Variants in DRC11 observed in about 807,000 individuals in gnomAD.
DRC11 encodes the protein dynein regulatory complex subunit 11, also known as IQ and AAA domain-containing protein 1.
the DRC11 span, among the ~76,000 whole-genome samples, chr2:236,459,535 G>GAGAGAAAAGGAC: frequency 9.4e-6 from 1 of 106,286 alleles, no homozygotes; most frequent in African/African-American, 3.7e-5. Context: ...ACATGTATAC[G>GAGAGAAAAGGAC]TATACGTATA....
At chr2:236,462,502 T>C in the DRC11 span, among the ~76,000 whole-genome samples, 2 of 152,068 alleles carry the variant, frequency 1.3e-5, no homozygotes, top group Admixed American at 1.3e-4. The surrounding 1 kb of genome is among the most constrained non-coding windows in gnomAD (Gnocchi z 6.4). Flanking sequence ...TGAAACCCTG[T>C]CTCTACTAAA....
At chr2:236,372,124 A>G in the DRC11 span, among the ~76,000 whole-genome samples, 1 of 152,164 alleles carries the variant, frequency 6.6e-6, no homozygotes, top group Non-Finnish European at 1.5e-5. The surrounding 1 kb of genome is among the most constrained non-coding windows in gnomAD (Gnocchi z 4.5). Context: ...TTACCCCAAG[A>G]TAACTTTGCC....
the DRC11 span, among the ~76,000 whole-genome samples, chr2:236,437,910 G>T: frequency 1.4e-5 from 2 of 142,468 alleles, no homozygotes; most frequent in African/African-American, 5.2e-5. Flanking sequence ...CACTCTGGTG[G>T]TAGTTTCTTT....
chr2:236,393,161 G>A, the DRC11 span, among the ~76,000 whole-genome samples: 4 of 152,162 alleles, frequency 2.6e-5, no homozygotes, highest in Non-Finnish European at 5.9e-5. This position sits in a 1 kb window ranked among gnomAD's most constrained non-coding sequence, Gnocchi z 4.7. Context: ...AATCTATGTC[G>A]AGAATGTAAA....
the DRC11 span, among the ~76,000 whole-genome samples, chr2:236,494,065 CAA>C: frequency 6.6e-6 from 1 of 152,074 alleles, no homozygotes; most frequent in African/African-American, 2.4e-5. This position sits in a 1 kb window ranked among gnomAD's most constrained non-coding sequence, Gnocchi z 4.2. Context: ...TAAAGAGACA[CAA>C]AGTCAGAAAG....
chr2:236,434,202 T>A, the DRC11 span, among the ~76,000 whole-genome samples: 2 of 152,348 alleles, frequency 1.3e-5, no homozygotes, highest in Admixed American at 1.3e-4. This position sits in a 1 kb window ranked among gnomAD's most constrained non-coding sequence, Gnocchi z 5.5. Flanking sequence ...GGGAGACTGA[T>A]CTGTGTCTTT....
chr2:236,399,294 A>C, the DRC11 span: 1 of 880,714 alleles, frequency 1.1e-6, no homozygotes, highest in East Asian at 2.4e-5. This position sits in a 1 kb window ranked among gnomAD's most constrained non-coding sequence, Gnocchi z 7.0. Context: ...CTGGCCAGGA[A>C]ATTTAAAATA....
At chr2:236,370,724 T>C in the DRC11 span, among the ~76,000 whole-genome samples, 6 of 149,410 alleles carry the variant, frequency 4.0e-5, no homozygotes, top group South Asian at 1.3e-3. The surrounding 1 kb of genome is among the most constrained non-coding windows in gnomAD (Gnocchi z 5.5). Flanking sequence ...CACCTGAGAT[T>C]GTGGCAGGTG....
At chr2:236,393,045 A>C in the DRC11 span, among the ~76,000 whole-genome samples, 1 of 152,176 alleles carries the variant, frequency 6.6e-6, no homozygotes, top group Non-Finnish European at 1.5e-5. This position sits in a 1 kb window ranked among gnomAD's most constrained non-coding sequence, Gnocchi z 4.7. Flanking sequence ...GGAGGTTCCA[A>C]ATGTATGCTG....
the DRC11 span, chr2:236,493,642 A>G: frequency 8.2e-6 from 6 of 735,374 alleles, no homozygotes; most frequent in East Asian, 1.7e-4. Flanking sequence ...TGTACTGTAT[A>G]ACGAGGGAGG....
chr2:236,504,730 TG>T, the DRC11 span, among the ~76,000 whole-genome samples: 31 of 152,320 alleles, frequency 2.0e-4, no homozygotes, highest in East Asian at 5.2e-3. This position sits in a 1 kb window ranked among gnomAD's most constrained non-coding sequence, Gnocchi z 5.0. Flanking sequence ...AACTGAATCA[TG>T]GGGACAGTTA....
At chr2:236,424,968 C>A in the DRC11 span, among the ~76,000 whole-genome samples, 1 of 152,068 alleles carries the variant, frequency 6.6e-6, no homozygotes, top group African/African-American at 2.4e-5. Context: ...TGGGTTCATG[C>A]ATGTTGTCAC....
the DRC11 span, among the ~76,000 whole-genome samples, chr2:236,406,905 C>T: frequency 3.3e-5 from 5 of 152,126 alleles, no homozygotes; most frequent in African/African-American, 1.2e-4. This position sits in a 1 kb window ranked among gnomAD's most constrained non-coding sequence, Gnocchi z 4.7. Context: ...ACCACCACGC[C>T]TGGCTAATTT....
At chr2:236,419,325 G>T in the DRC11 span, 3 of 1,503,194 alleles carry the variant, frequency 2.0e-6, no homozygotes, top group South Asian at 2.7e-5. The surrounding 1 kb of genome is among the most constrained non-coding windows in gnomAD (Gnocchi z 4.8). Flanking sequence ...TCAAGAGAAG[G>T]ACTGTTTTCC....
chr2:236,389,352 T>C, the DRC11 span, among the ~76,000 whole-genome samples: 3 of 152,064 alleles, frequency 2.0e-5, no homozygotes, highest in African/African-American at 7.2e-5. Context: ...AGGTGCCGGA[T>C]ATAATCTCGT....
chr2:236,494,526 T>C, the DRC11 span, among the ~76,000 whole-genome samples: 4 of 152,240 alleles, frequency 2.6e-5, no homozygotes, highest in African/African-American at 9.6e-5. This position sits in a 1 kb window ranked among gnomAD's most constrained non-coding sequence, Gnocchi z 4.2. Flanking sequence ...AGAAGTGCTA[T>C]TTAAGGATAT....
the DRC11 span, among the ~76,000 whole-genome samples, chr2:236,419,501 C>T: frequency 6.6e-6 from 1 of 151,952 alleles, no homozygotes. The surrounding 1 kb of genome is among the most constrained non-coding windows in gnomAD (Gnocchi z 4.8). Flanking sequence ...GAGAGAGAGT[C>T]TCGACGTTTC....
the DRC11 span, among the ~76,000 whole-genome samples, chr2:236,382,440 T>C: frequency 6.6e-6 from 1 of 152,226 alleles, no homozygotes; most frequent in African/African-American, 2.4e-5. Flanking sequence ...TTCCATTACC[T>C]TTCCATAAAA....
the DRC11 span, among the ~76,000 whole-genome samples, chr2:236,480,027 T>G: frequency 2.6e-5 from 4 of 151,860 alleles, no homozygotes; most frequent in Non-Finnish European, 5.9e-5. Context: ...GACAGGTTTT[T>G]TTTTTTTTTT....
Sources: allele counts gnomAD v4.1 joint callset (sites outside exome capture counted in the v4.1 genomes callset), GRCh38; gene constraint gnomAD v4.1.1; non-coding constraint Gnocchi (gnomAD v3.1); transcripts MANE v1.5; gene names NCBI Gene and HGNC (gene_info 2026-07-23, HGNC 2026-07-21).